The following EYS variants were observed in gnomAD, a reference collection of about 807,000 sequenced individuals.
EYS encodes the protein protein eyes shut homolog.
A neutral mutation model predicts 282.1 loss-of-function variants in EYS; 250 were observed. That is an observed-to-expected ratio of 0.89 (90% CI 0.80 to 0.98). EYS has a LOEUF of 0.98. Among genes scored for constraint, EYS ranks in the 50% least tolerant of loss-of-function variants. The pLI, the probability that EYS is intolerant of heterozygous loss-of-function variation, is 0.00. For synonymous variants in EYS, 1,355 were observed against 1,282.9 expected, an observed-to-expected ratio of 1.06 and a Z score of -1.20; for missense variants, 4,016 against 3,709.0, an observed-to-expected ratio of 1.08 and a Z score of -2.15.
At position 64,388,852 on chromosome 6, in the gene EYS, T is replaced by TCTTTCTTA; in HGVS notation, c.5928-13_5928-12insTAAGAAAG. 1 of 1,476,756 alleles carries TCTTTCTTA rather than the reference T, an allele frequency of 6.8e-7. No individual in the cohort carries two copies. The highest frequency in any genetic ancestry group is 9.0e-7 in the Non-Finnish European group (1 of 1,112,856). 91.5% of individuals were successfully genotyped at this position (1,476,756 alleles called of 1,614,324 possible). A position where few individuals can be genotyped will look rare whatever the true frequency, so the allele number is the denominator to read the frequency against. On this transcript the variant is annotated splice_polypyrimidine_tract_variant and intron_variant, in intron 28 of 42. Transcript: ENST00000503581. ...GATCCAATTCTTGCCTGTAACCATT[T>TCTTTCTTA]AAGAAAGAAATGGTTTTAGTATAAG...
intron 7 of EYS, among the ~76,000 whole-genome samples, chr6:65,385,381 A>T (rs538648237): frequency 1.3e-5 from 2 of 152,098 alleles, no homozygotes; most frequent in African/African-American, 4.8e-5. Context: ...CTGAAATAGC[A>T]TCAATAAAAT....
chr6:65,357,154 T>G (rs1293630806), intron 8 of EYS, among the ~76,000 whole-genome samples: 1 of 151,994 alleles, frequency 6.6e-6, no homozygotes, highest in Non-Finnish European at 1.5e-5. Context: ...TCATCATTTC[T>G]GTAGAGGTTC....
chr6:65,435,095 T>C (rs1349302108), intron 5 of EYS, among the ~76,000 whole-genome samples: 1 of 151,760 alleles, frequency 6.6e-6, no homozygotes, highest in African/African-American at 2.4e-5. Context: ...ATATTTTCTA[T>C]CTGATTTAAG....
At chr6:63,794,200 C>T (rs1205142969) in intron 37 of EYS, among the ~76,000 whole-genome samples, 1 of 152,202 alleles carries the variant, frequency 6.6e-6, no homozygotes, top group Non-Finnish European at 1.5e-5. Flanking sequence ...CACTGCCAAC[C>T]TAGCACATAG....
chr6:63,866,492 A>G (rs1018986986), intron 35 of EYS, among the ~76,000 whole-genome samples: 4 of 152,230 alleles, frequency 2.6e-5, no homozygotes, highest in African/African-American at 9.6e-5. Flanking sequence ...TGCTTTAATC[A>G]TATAAAGCTA....
At chr6:65,285,823 T>C (rs1448242730) in intron 12 of EYS, among the ~76,000 whole-genome samples, 1 of 151,946 alleles carries the variant, frequency 6.6e-6, no homozygotes, top group African/African-American at 2.4e-5. Flanking sequence ...ATTTGACAAC[T>C]ATATCATTTA....
chr6:64,470,796 G>T (rs1776101691), intron 26 of EYS, among the ~76,000 whole-genome samples: 1 of 151,946 alleles, frequency 6.6e-6, no homozygotes, highest in African/African-American at 2.4e-5. Flanking sequence ...AGAAAAAAAG[G>T]AATACATAAG....
At chr6:65,209,684 G>A (rs1456646599) in intron 12 of EYS, among the ~76,000 whole-genome samples, 1 of 151,880 alleles carries the variant, frequency 6.6e-6, no homozygotes, top group Non-Finnish European at 1.5e-5. Flanking sequence ...ATACTTTCAG[G>A]TGGAGGAAGT....
At chr6:64,015,049 CTTT>C (rs968703262) in intron 33 of EYS, among the ~76,000 whole-genome samples, 25 of 152,228 alleles carry the variant, frequency 1.6e-4, no homozygotes, top group African/African-American at 5.5e-4. Context: ...ACTAGCCCTT[CTTT>C]AAGTCAATTT....
At chr6:65,136,053 C>T (rs1009312424) in intron 12 of EYS, among the ~76,000 whole-genome samples, 1 of 151,934 alleles carries the variant, frequency 6.6e-6, no homozygotes, top group East Asian at 1.9e-4. Flanking sequence ...ATGATTCATT[C>T]ATCAATATCA....
chr6:64,543,431 T>C (rs1367865076), intron 26 of EYS, among the ~76,000 whole-genome samples: 1 of 152,132 alleles, frequency 6.6e-6, no homozygotes, highest in African/African-American at 2.4e-5. Flanking sequence ...ATTTTATTTA[T>C]AGAAAAAATA....
At position 65,478,647 on chromosome 6, in the gene EYS, A is replaced by C. The variant is rs567819340; in HGVS notation, c.862+11947T>G. Among the ~76,000 whole-genome samples the C allele has an allele frequency of 5.3e-5, 8 of 152,262 alleles. No individual in the cohort carries two copies. The South Asian group carries it at 1.4e-3, about 28-fold the overall frequency. On this transcript the variant is annotated intron_variant, in intron 5 of 42. Coordinates refer to ENST00000503581, the MANE Select transcript of EYS (RefSeq NM_001142800.2). ...TATAGTGAAGTCAGGACCACTTTAC[A>C]AGAAATTGATCTTTATGCCTAATTA...
chr6:64,790,667 G>A lies in EYS; in HGVS notation c.3443+22711C>T, dbSNP rs1774161291. Among the ~76,000 whole-genome samples, 5 of 151,802 alleles carry A rather than the reference G, an allele frequency of 3.3e-5. No homozygotes were observed. In the South Asian group the frequency reaches 1.0e-3, roughly 32 times the overall value. On this transcript the variant is annotated intron_variant, in intron 22 of 42. Coordinates refer to ENST00000503581, the MANE Select transcript of EYS (RefSeq NM_001142800.2). ...AATCATTCCACTTTGGTTTCATTAA[G>A]GCCAAATGTAGACAAAGGAAATAAG...
At chr6:64,350,143 T>C (rs540123470) in intron 29 of EYS, among the ~76,000 whole-genome samples, 2 of 151,668 alleles carry the variant, frequency 1.3e-5, no homozygotes, top group East Asian at 3.9e-4. Context: ...ACTCAGAGTC[T>C]AATAATGATA....
At chr6:63,806,838 G>T (rs1770920763) in intron 36 of EYS, 1 of 152,304 alleles carries the variant, frequency 6.6e-6, no homozygotes, top group African/African-American at 2.4e-5. Context: ...GTCAGGGCTA[G>T]GAAAGTCAAG....
At chr6:65,592,773 G>A (rs1765274221) in intron 2 of EYS, among the ~76,000 whole-genome samples, 1 of 151,942 alleles carries the variant, frequency 6.6e-6, no homozygotes, top group African/African-American at 2.4e-5. Flanking sequence ...GGGAGCAGGA[G>A]AAATAAAACT....
At chr6:65,513,309 AC>A (rs1265390992) in intron 2 of EYS, among the ~76,000 whole-genome samples, 11 of 152,112 alleles carry the variant, frequency 7.2e-5, no homozygotes, top group Admixed American at 7.2e-4. Flanking sequence ...TAGCTTACCA[AC>A]CAAAAAGAGT....
chr6:65,555,809 G>A (rs866661558), intron 2 of EYS, among the ~76,000 whole-genome samples: 16 of 152,218 alleles, frequency 1.1e-4, no homozygotes, highest in African/African-American at 2.9e-4. Context: ...TCAAATTCAG[G>A]TGTGCTGTAA....
intron 21 of EYS, among the ~76,000 whole-genome samples, chr6:64,818,838 T>C (rs1725289597): frequency 6.6e-6 from 1 of 152,098 alleles, no homozygotes; most frequent in South Asian, 2.1e-4. Flanking sequence ...ACTCAAATAT[T>C]AATCTCCTTT....
Sources: gnomAD v4.1 joint callset for allele counts (sites outside exome capture counted in the v4.1 genomes callset) on GRCh38, gnomAD v4.1.1 for gene constraint, MANE v1.5 for transcripts, NCBI Gene and HGNC (gene_info 2026-07-23, HGNC 2026-07-21) for gene names.